The following ATP13A5 variants were observed in gnomAD, a reference collection of about 807,000 sequenced individuals.
ATP13A5 encodes the protein ATPase 13A5.
Under a neutral mutation model 150.2 loss-of-function variants are expected in ATP13A5, and 149 were observed. That is an observed-to-expected ratio of 0.99 (90% CI 0.87 to 1.14). ATP13A5 has a LOEUF of 1.14. Among genes scored for constraint, ATP13A5 ranks in the 50% most tolerant of loss-of-function variants. The probability of loss-of-function intolerance (pLI) is 0.00; values close to 1 mark genes in which losing one functional copy is unlikely to be tolerated. For missense variants in ATP13A5, 1,383 were observed against 1,449.3 expected, an observed-to-expected ratio of 0.95 and a Z score of 0.74; for synonymous variants, 497 against 522.2, an observed-to-expected ratio of 0.95 and a Z score of 0.66.
At chr3:193,318,702 C>T (rs73888249) in intron 17 of ATP13A5, among the ~76,000 whole-genome samples, 1,750 of 152,216 alleles carry the variant, frequency 0.011, 21 homozygotes, top group African/African-American at 0.034. Flanking sequence ...ATGAGAGCTG[C>T]GACTAAAGTT....
intron 13 of ATP13A5, among the ~76,000 whole-genome samples, chr3:193,326,647 G>A (rs568295084): frequency 1.3e-5 from 2 of 152,002 alleles, no homozygotes; most frequent in Non-Finnish European, 2.9e-5. Context: ...TTTTTATCCC[G>A]CTAGACTGTG....
rs927473651 is a variant in ATP13A5, at chr3:193,324,971, A to C, written c.1567T>G (p.Trp523Gly). ...HSFASGQAVP[W>G]SPLCAAMASC... ...GCCATGGCCGCACACAGTGGGCTCC[A>C]TGGCACAGCCTGGCCTGAGGCAAAG... The change falls in exon 14 of 30, where the codon TGG (tryptophan) becomes GGG (glycine). Residue 523 changes from tryptophan to glycine, a missense_variant. Transcript: ENST00000342358. 6.2e-7 allele frequency: 1 copy of C among 1,613,156 alleles called. No homozygotes were observed. The highest frequency in any genetic ancestry group is 1.1e-5 in the South Asian group (1 of 91,024).
intron 9 of ATP13A5, among the ~76,000 whole-genome samples, chr3:193,341,171 C>A (rs898185423): frequency 8.3e-6 from 1 of 120,676 alleles, no homozygotes; most frequent in African/African-American, 3.8e-5. Context: ...TATTCCCCCC[C>A]CCTCCCAAAT....
chr3:193,329,074 G>A (rs987455492), intron 12 of ATP13A5, among the ~76,000 whole-genome samples: 34 of 151,836 alleles, frequency 2.2e-4, no homozygotes, highest in African/African-American at 8.0e-4. Context: ...TTGAAACCCC[G>A]TCTCTACTAA....
chr3:193,310,373 A>G (rs1006613555), intron 21 of ATP13A5, among the ~76,000 whole-genome samples: 9 of 152,130 alleles, frequency 5.9e-5, no homozygotes, highest in African/African-American at 2.2e-4. Flanking sequence ...ATATTCCTCT[A>G]GGTATATAGC....
At chr3:193,291,703 C>G (rs191583484) in intron 25 of ATP13A5, among the ~76,000 whole-genome samples, 1 of 152,056 alleles carries the variant, frequency 6.6e-6, no homozygotes, top group African/African-American at 2.4e-5. Flanking sequence ...AATAAAAACT[C>G]CAGACACCGA....
rs1430951218 is a variant in ATP13A5 at position 193,361,286 on chromosome 3, T to C, written c.536+1095A>G. Reference sequence around the variant, plus strand: ...CCATTTCTAAGGCATTTTGCAATATTGTCCTAGTCCAGATGTCTGGTTCAT... The same window carrying C: ...CCATTTCTAAGGCATTTTGCAATATCGTCCTAGTCCAGATGTCTGGTTCAT... On this transcript the variant is annotated intron_variant, in intron 5 of 29. Coordinates refer to ENST00000342358, the MANE Select transcript of ATP13A5 (RefSeq NM_198505.4). Among the ~76,000 whole-genome samples the C allele has an allele frequency of 2.0e-5, 3 of 152,222 alleles. No individual in the cohort carries two copies. In the East Asian group the frequency reaches 5.8e-4, roughly 29 times the overall value.
rs1273211708 is a variant in ATP13A5 at position 193,310,610 on chromosome 3, C to T, written c.2525+28G>A. 4 of 1,550,590 alleles carry T rather than the reference C, an allele frequency of 2.6e-6. No homozygotes were observed. The African/African-American group carries it at 5.5e-5, about 21-fold the overall frequency. ...CATAGGTAGCAAGAGTTAATGAGCA[C>T]ACTCTTCTTTCATGCCATGACACCT... On this transcript the variant is annotated intron_variant, in intron 21 of 29. Coordinates refer to ENST00000342358, the MANE Select transcript of ATP13A5 (RefSeq NM_198505.4).
intron 11 of ATP13A5, 28 bp from the exon 12 acceptor site, chr3:193,331,339 G>T (rs768069580): frequency 1.9e-6 from 3 of 1,598,542 alleles, no homozygotes; most frequent in Non-Finnish European, 2.6e-6. Flanking sequence ...TTTTCATACA[G>T]GATAGCCCAG....
At position 193,364,181 on chromosome 3, in the gene ATP13A5, G is replaced by T. The variant is rs145357837; in HGVS notation, c.163C>A (p.Pro55Thr). 2 of 1,613,978 alleles carry T rather than the reference G, an allele frequency of 1.2e-6. No homozygotes were observed. The highest frequency in any genetic ancestry group is 2.7e-5 in the African/African-American group (2 of 74,912). Residue 55 changes from proline to threonine, a missense_variant, in exon 2 of 30, where the codon CCC becomes ACC. Coordinates refer to ENST00000342358, the MANE Select transcript of ATP13A5 (RefSeq NM_198505.4). ...GGLLLVFYWRPQWRVWANCIP... is the reference protein window; with the variant it reads ...GGLLLVFYWRTQWRVWANCIP... ...CAGTTGGCCCACACTCTCCACTGGGGTCTCCAGTAGAACACCAGCAGAAGG... is the reference window on the plus strand; with the variant it reads ...CAGTTGGCCCACACTCTCCACTGGGTTCTCCAGTAGAACACCAGCAGAAGG...
intron 25 of ATP13A5, among the ~76,000 whole-genome samples, chr3:193,292,156 AGG>A (rs919134302): frequency 6.6e-6 from 1 of 152,072 alleles, no homozygotes. Flanking sequence ...TCCACGAAGA[AGG>A]GGTACACAGT....
chr3:193,344,193 A>C, intron 8 of ATP13A5, 138 bp from the exon 9 acceptor site: 2 of 1,133,246 alleles, frequency 1.8e-6, no homozygotes, highest in South Asian at 1.7e-5. Context: ...CTTTTTAGTC[A>C]ATTGAAAATT....
chr3:193,299,593 T>C (rs1019430622), intron 24 of ATP13A5, among the ~76,000 whole-genome samples: 6 of 152,146 alleles, frequency 3.9e-5, no homozygotes, highest in African/African-American at 1.4e-4. Context: ...TAGGCATTGC[T>C]CTCCATCCTC....
intron 7 of ATP13A5, 41 bp from the exon 8 acceptor site, chr3:193,345,116 T>A (rs753117721): frequency 6.8e-5 from 108 of 1,577,960 alleles, no homozygotes; most frequent in Non-Finnish European, 9.1e-5. Flanking sequence ...AGATAGTTCA[T>A]GTTCTGAAAA....
intron 23 of ATP13A5, among the ~76,000 whole-genome samples, chr3:193,305,337 T>C (rs1472895249): frequency 6.6e-6 from 1 of 152,220 alleles, no homozygotes; most frequent in Non-Finnish European, 1.5e-5. Context: ...ACTGTTTACA[T>C]GATACCCACC....
At chr3:193,361,330 G>C (rs966831587) in intron 5 of ATP13A5, among the ~76,000 whole-genome samples, 2 of 152,170 alleles carry the variant, frequency 1.3e-5, no homozygotes, top group Non-Finnish European at 2.9e-5. Context: ...GTGTCTGATA[G>C]AGGAAAAACT....
intron 1 of ATP13A5, 51 bp from the exon 2 acceptor site, chr3:193,364,331 C>T (rs368620359): frequency 3.6e-5 from 57 of 1,580,170 alleles, no homozygotes; most frequent in South Asian, 9.3e-5. Context: ...TTCACATAAA[C>T]ATATTATTTT....
intron 6 of ATP13A5, 75 bp downstream of exon 6, chr3:193,354,052 G>A (rs1429921120): frequency 5.0e-6 from 6 of 1,194,648 alleles, no homozygotes; most frequent in Admixed American, 4.5e-5. Flanking sequence ...AAGTATTTAT[G>A]TGTTCCTTCT....
At chr3:193,316,620 T>C (rs1332187679) in intron 17 of ATP13A5, among the ~76,000 whole-genome samples, 1 of 152,190 alleles carries the variant, frequency 6.6e-6, no homozygotes, top group Non-Finnish European at 1.5e-5. Context: ...TTGTACGTCT[T>C]TGGAGAAATG....
Sources: gnomAD v4.1 joint callset for allele counts (sites outside exome capture counted in the v4.1 genomes callset) on GRCh38, gnomAD v4.1.1 for gene constraint, MANE v1.5 for transcripts, NCBI Gene and HGNC (gene_info 2026-07-23, HGNC 2026-07-21) for gene names.